MYO18B: variants seen among roughly 807,000 people sequenced by gnomAD.
MYO18B encodes unconventional myosin-XVIIIb.
A neutral mutation model predicts 273.0 loss-of-function variants in MYO18B; 204 were observed. The ratio of observed to expected loss-of-function variants is 0.75; its 90% confidence interval spans 0.67 to 0.84. MYO18B has a LOEUF of 0.84. Ranked by LOEUF, MYO18B falls within the 40% of genes least tolerant of loss-of-function variation. The pLI is 0.00. For missense variants in MYO18B, 3,212 were observed against 3,287.6 expected (o/e 0.98, Z 0.56); for synonymous variants, 1,330 against 1,305.7 (o/e 1.02, Z -0.40).
In MYO18B at chr22:25,946,242, A is replaced by C. The variant is rs752751820; in HGVS notation, c.5623A>C (p.Lys1875Gln). Reference protein sequence around the residue: ...HSELENMTRNKSLVDEQLYRL... With the variant: ...HSELENMTRNQSLVDEQLYRL... Reference sequence around the variant, plus strand: ...CGAGCTGGAGAACATGACGCGGAACAAGAGCCTGGTACCTGTCCCTTCCTG... The same window carrying C: ...CGAGCTGGAGAACATGACGCGGAACCAGAGCCTGGTACCTGTCCCTTCCTG... Residue 1875 changes from lysine (K) to glutamine (Q), a missense_variant, in exon 35 of 44, where the codon AAG (lysine) becomes CAG (glutamine). Physicochemically the swap from Lys to Gln is moderately conservative, Grantham distance 53. Coordinates refer to ENST00000335473, the MANE Select transcript of MYO18B (RefSeq NM_032608.7). The C allele has an allele frequency of 1.4e-5, 22 of 1,571,940 alleles. No homozygotes were observed. The South Asian group carries it at 2.4e-4, about 17-fold the overall frequency.
At chr22:25,905,688 T>G (rs2092029183) in intron 31 of MYO18B, among the ~76,000 whole-genome samples, 1 of 152,220 alleles carries the variant, frequency 6.6e-6, no homozygotes, top group Non-Finnish European at 1.5e-5. Context: ...TTGAGGCAGC[T>G]TGTTGCCTGT....
intron 21 of MYO18B, 48 bp from the exon 22 acceptor site, chr22:25,868,272 T>C: frequency 6.6e-7 from 1 of 1,506,530 alleles, no homozygotes; most frequent in South Asian, 1.2e-5. Flanking sequence ...CCCTTTAGGA[T>C]CCTCCTACCT....
At chr22:26,003,408 T>C in intron 41 of MYO18B, 99 bp downstream of exon 41, 1 of 1,020,560 alleles carries the variant, frequency 9.8e-7, no homozygotes. Context: ...ACTTGGAGAA[T>C]TATCAGTGAT....
intron 7 of MYO18B, 68 bp from the exon 8 acceptor site, chr22:25,777,515 G>A (rs977842134): frequency 4.9e-6 from 7 of 1,422,324 alleles, no homozygotes; most frequent in African/African-American, 2.9e-5. Context: ...CTGGGGCGGG[G>A]CGCTGTCTTA....
chr22:25,941,569 G>T (rs1339947725), intron 34 of MYO18B, among the ~76,000 whole-genome samples: 2 of 152,174 alleles, frequency 1.3e-5, no homozygotes, highest in Non-Finnish European at 2.9e-5. Flanking sequence ...CAGTCAAACA[G>T]CCTCCGTATG....
At chr22:25,983,882 C>T (rs1292006599) in intron 39 of MYO18B, among the ~76,000 whole-genome samples, 1 of 152,178 alleles carries the variant, frequency 6.6e-6, no homozygotes, top group Non-Finnish European at 1.5e-5. Flanking sequence ...TTTGTCCAGC[C>T]CTAGGTTGGC....
chr22:25,796,872 G>A (rs2087936242), intron 11 of MYO18B, among the ~76,000 whole-genome samples: 1 of 152,186 alleles, frequency 6.6e-6, no homozygotes, highest in African/African-American at 2.4e-5. Flanking sequence ...GCCTTCAAGG[G>A]TGGCCCATGC....
chr22:25,820,591 A>G (rs986631078), intron 12 of MYO18B, among the ~76,000 whole-genome samples: 2 of 152,258 alleles, frequency 1.3e-5, no homozygotes, highest in African/African-American at 4.8e-5. Flanking sequence ...TATGGGGTAC[A>G]TAGTGGTGTT....
At chr22:25,990,986 G>A (rs1381142199) in intron 39 of MYO18B, among the ~76,000 whole-genome samples, 1 of 152,028 alleles carries the variant, frequency 6.6e-6, no homozygotes, top group Admixed American at 6.6e-5. Flanking sequence ...AATTCTCCAT[G>A]AGTGTTATTT....
chr22:25,782,514 C>T (rs930200121), intron 10 of MYO18B, among the ~76,000 whole-genome samples: 1 of 152,218 alleles, frequency 6.6e-6, no homozygotes, highest in Admixed American at 6.5e-5. Context: ...TTCCCCAAAT[C>T]TACAGGGCAT....
In MYO18B at chr22:25,934,900, C is replaced by T. The variant is rs535822882; in HGVS notation, c.5518-11237C>T. Among the ~76,000 whole-genome samples the T allele has an allele frequency of 1.3e-4, 19 of 151,240 alleles. No homozygotes were observed. In the South Asian group the frequency reaches 3.3e-3, roughly 26 times the overall value. Reference sequence around the variant, plus strand: ...CTCAAGATATTTTCCTTTCACTACTCGTGGTTCCGTCCCTCAGTGCTCAAT... The same window carrying T: ...CTCAAGATATTTTCCTTTCACTACTTGTGGTTCCGTCCCTCAGTGCTCAAT... On this transcript the variant is annotated intron_variant, in intron 34 of 43. Transcript: ENST00000335473.
intron 12 of MYO18B, among the ~76,000 whole-genome samples, chr22:25,820,564 T>C (rs996292326): frequency 6.6e-6 from 1 of 152,204 alleles, no homozygotes; most frequent in African/African-American, 2.4e-5. Context: ...AGTTGACATA[T>C]AATAAGTGTA....
intron 34 of MYO18B, among the ~76,000 whole-genome samples, chr22:25,927,407 G>T (rs1486229244): frequency 6.6e-6 from 1 of 152,140 alleles, no homozygotes; most frequent in Admixed American, 6.5e-5. Context: ...GGGTGAAAGA[G>T]ACTCCAGTCT....
chr22:25,788,812 T>C (rs909413395), intron 11 of MYO18B, among the ~76,000 whole-genome samples: 2 of 152,174 alleles, frequency 1.3e-5, no homozygotes, highest in Non-Finnish European at 2.9e-5. Flanking sequence ...GAAAACTCAC[T>C]GGCGACAGTG....
chr22:25,936,102 G>A (rs1289028156), intron 34 of MYO18B, among the ~76,000 whole-genome samples: 1 of 152,244 alleles, frequency 6.6e-6, no homozygotes, highest in African/African-American at 2.4e-5. Flanking sequence ...GGAGGCACAA[G>A]ACCTGGTGCT....
At chr22:25,855,301 T>TTTTTGGTG (rs2090536106) in intron 21 of MYO18B, among the ~76,000 whole-genome samples, 1 of 150,826 alleles carries the variant, frequency 6.6e-6, no homozygotes. Flanking sequence ...TTTTTTTTTT[T>TTTTTGGTG]GAGATGGAGT....
chr22:25,906,827 A>G (rs966946772), intron 31 of MYO18B, among the ~76,000 whole-genome samples: 8 of 152,064 alleles, frequency 5.3e-5, no homozygotes, highest in Non-Finnish European at 1.0e-4. Flanking sequence ...TAAAACCATC[A>G]TATCTTAAGA....
intron 22 of MYO18B, among the ~76,000 whole-genome samples, chr22:25,872,516 A>G (rs1430559735): frequency 6.6e-6 from 1 of 152,218 alleles, no homozygotes; most frequent in Non-Finnish European, 1.5e-5. Flanking sequence ...TGAGTATTAA[A>G]AAGAGACCTA....
intron 22 of MYO18B, among the ~76,000 whole-genome samples, chr22:25,869,504 G>A (rs2090991415): frequency 1.3e-5 from 2 of 149,478 alleles, no homozygotes; most frequent in Admixed American, 1.3e-4. Flanking sequence ...GAGGGAGGGA[G>A]GGAAGGAAAA....
Sources: gnomAD v4.1 joint callset for allele counts (sites outside exome capture counted in the v4.1 genomes callset) on GRCh38, gnomAD v4.1.1 for gene constraint, MANE v1.5 for transcripts, NCBI Gene and HGNC (gene_info 2026-07-23, HGNC 2026-07-21) for gene names.